OTOGL: variants seen among roughly 807,000 people sequenced by gnomAD.
OTOGL encodes otogelin-like protein.
Under a neutral mutation model 318.5 loss-of-function variants are expected in OTOGL, and 285 were observed. That is an observed-to-expected ratio of 0.89 (90% confidence interval 0.81 to 0.99). The LOEUF is 0.99. Among genes scored for constraint, OTOGL ranks in the 50% least tolerant of loss-of-function variants. The probability of loss-of-function intolerance (pLI) is 0.00; values close to 1 mark genes in which losing one functional copy is unlikely to be tolerated. For missense variants in OTOGL, 2,899 were observed against 2,845.6 expected, an observed-to-expected ratio of 1.02 and a Z score of -0.43; for synonymous variants, 987 against 936.5, an observed-to-expected ratio of 1.05 and a Z score of -0.99.
chr12:80,226,225 T>TACACACACAC (rs1878840706), intron 7 of OTOGL, among the ~76,000 whole-genome samples: 1 of 95,674 alleles, frequency 1.0e-5, no homozygotes, highest in Non-Finnish European at 2.3e-5. Flanking sequence ...CACACACACT[T>TACACACACAC]CCCTTCACTC....
intron 1 of OTOGL, among the ~76,000 whole-genome samples, chr12:80,162,382 G>C (rs1182160484): frequency 2.6e-5 from 4 of 152,000 alleles, no homozygotes; most frequent in Non-Finnish European, 5.9e-5. Context: ...TTATTAAGTG[G>C]GTCTCCTGTG....
chr12:80,277,803 A>G (rs1056977782), intron 24 of OTOGL, among the ~76,000 whole-genome samples: 2 of 151,488 alleles, frequency 1.3e-5, no homozygotes, highest in African/African-American at 4.8e-5. Context: ...TGTAGGCCCT[A>G]TAGACTCTTT....
chr12:80,372,834 A>G (rs1273627604), intron 57 of OTOGL, among the ~76,000 whole-genome samples: 4 of 151,994 alleles, frequency 2.6e-5, no homozygotes, highest in Non-Finnish European at 5.9e-5. Flanking sequence ...GATTACACGC[A>G]TGCGCCATCA....
At chr12:80,360,082 A>T (rs903317063) in intron 52 of OTOGL, among the ~76,000 whole-genome samples, 7 of 152,180 alleles carry the variant, frequency 4.6e-5, no homozygotes, top group African/African-American at 1.7e-4. Context: ...ACAACTTGAA[A>T]CAAGAATGAA....
chr12:80,366,657 C>T lies in OTOGL; in HGVS notation c.6331+20C>T. 1 of 1,213,676 alleles carries T rather than the reference C, an allele frequency of 8.2e-7. No individual in the cohort carries two copies. Among genetic ancestry groups the T allele is most frequent in the Non-Finnish European group, 1.1e-6 (1 of 921,214 alleles). The allele number at this position is 1,213,676 out of a possible 1,614,324, so 75.2% of individuals were successfully genotyped here. On this transcript the variant is annotated intron_variant, in intron 53 of 58. Transcript: ENST00000547103. ...TCTGTGGTAACTATGTCTTTTGTAA[C>T]TTTTAAATTATAAATGAATATCATT...
intron 25 of OTOGL, 64 bp downstream of exon 25, chr12:80,278,339 TTA>T: frequency 7.8e-7 from 1 of 1,282,482 alleles, no homozygotes; most frequent in Non-Finnish European, 1.1e-6. Flanking sequence ...CAATCATCTT[TTA>T]TTTATTTAAT....
intron 1 of OTOGL, among the ~76,000 whole-genome samples, chr12:80,159,261 C>T (rs1410643697): frequency 6.6e-6 from 1 of 152,046 alleles, no homozygotes; most frequent in African/African-American, 2.4e-5. Context: ...ATTTTTACAT[C>T]TATGTTCATC....
At chr12:80,267,409 T>TATATATA in intron 22 of OTOGL, 82 bp downstream of exon 22, 1 of 569,956 alleles carries the variant, frequency 1.8e-6, no homozygotes, top group Non-Finnish European at 2.4e-6. Flanking sequence ...ATATATATAT[T>TATATATA]TTTTTATTAT....
intron 29 of OTOGL, among the ~76,000 whole-genome samples, 200 bp from the exon 30 acceptor site, chr12:80,310,411 T>C (rs1886553519): frequency 6.6e-6 from 1 of 152,252 alleles, no homozygotes; most frequent in Admixed American, 6.5e-5. Context: ...GCTATGATTT[T>C]AATATTCTGT....
intron 1 of OTOGL, among the ~76,000 whole-genome samples, chr12:80,196,973 A>G (rs1432857766): frequency 1.3e-5 from 2 of 151,990 alleles, no homozygotes; most frequent in Non-Finnish European, 1.5e-5. Context: ...ATCAATACAC[A>G]CCTTAAGTCT....
intron 1 of OTOGL, among the ~76,000 whole-genome samples, chr12:80,181,513 A>G (rs1592524572): frequency 6.6e-6 from 1 of 152,090 alleles, no homozygotes; most frequent in Non-Finnish European, 1.5e-5. Context: ...GTCCTCCTGC[A>G]TGGCAATGTT....
chr12:80,265,296 A>G (rs1882868288), intron 20 of OTOGL, 86 bp downstream of exon 20: 1 of 1,259,932 alleles, frequency 7.9e-7, no homozygotes, highest in Non-Finnish European at 1.1e-6. Flanking sequence ...TTTTTAAATG[A>G]AATGTCAATA....
At chr12:80,343,085 A>G (rs527568417) in intron 44 of OTOGL, among the ~76,000 whole-genome samples, 1 of 152,128 alleles carries the variant, frequency 6.6e-6, no homozygotes, top group Non-Finnish European at 1.5e-5. Flanking sequence ...CGTGTTAGCC[A>G]GGATGGTCTC....
At chr12:80,198,753 T>C (rs980567999) in intron 1 of OTOGL, among the ~76,000 whole-genome samples, 1 of 152,222 alleles carries the variant, frequency 6.6e-6, no homozygotes, top group African/African-American at 2.4e-5. Flanking sequence ...CATTATCCTT[T>C]ACATCTTCTT....
At chr12:80,218,861 C>T (rs1263795735) in intron 5 of OTOGL, among the ~76,000 whole-genome samples, 4 of 133,412 alleles carry the variant, frequency 3.0e-5, no homozygotes, top group African/African-American at 1.2e-4. Context: ...GTGGCGCGAT[C>T]TCGGCTCACT....
intron 1 of OTOGL, among the ~76,000 whole-genome samples, chr12:80,146,279 T>G (rs2137154504): frequency 6.8e-6 from 1 of 147,034 alleles, no homozygotes; most frequent in East Asian, 1.9e-4. Flanking sequence ...GGTTGTTGAA[T>G]TTTGTCAAAG....
chr12:80,246,078 T>A (rs1880851491), intron 11 of OTOGL, among the ~76,000 whole-genome samples: 1 of 151,660 alleles, frequency 6.6e-6, no homozygotes, highest in Non-Finnish European at 1.5e-5. Context: ...ACAATGGGGT[T>A]TTCTAGATAC....
Position 80,249,910 on chromosome 12 carries a change from T to A in OTOGL, c.1053-1783T>A, listed in dbSNP as rs56091070. On this transcript the variant is annotated intron_variant, in intron 11 of 58. Coordinates refer to ENST00000547103, the MANE Select transcript of OTOGL (RefSeq NM_001378609.3). ...CGGTCTGAAATGCGCAATATTCGGG[T>A]GGGAGTGACCCGATTTTCCAGGTGC... Among the ~76,000 whole-genome samples the A allele has an allele frequency of 3.9e-3, 595 of 152,226 alleles. 4 individuals are homozygous for A. The highest frequency in any genetic ancestry group is 6.0e-3 in the Non-Finnish European group (407 of 67,990).
intron 1 of OTOGL, among the ~76,000 whole-genome samples, chr12:80,165,556 A>G (rs191323441): frequency 7.9e-4 from 121 of 152,288 alleles, no homozygotes; most frequent in African/African-American, 2.8e-3. Context: ...GCTGACCTCT[A>G]TGAAAAGGAT....
Sources: allele counts gnomAD v4.1 joint callset (sites outside exome capture counted in the v4.1 genomes callset), GRCh38; gene constraint gnomAD v4.1.1; transcripts MANE v1.5; gene names NCBI Gene and HGNC (gene_info 2026-07-23, HGNC 2026-07-21).